KCND2: variants seen among roughly 807,000 people sequenced by gnomAD.
KCND2 encodes potassium voltage-gated channel subfamily D member 2.
In KCND2, 16 loss-of-function variants were observed where a neutral mutation model predicts 54.4. That is an observed-to-expected ratio of 0.29 (90% CI 0.20 to 0.45). The LOEUF (loss-of-function observed/expected upper bound fraction) is 0.45. KCND2 is among the 20% of genes least tolerant of loss of function. The pLI is 1.00. For synonymous variants in KCND2, 317 were observed against 310.7 expected (o/e 1.02, Z -0.21); for missense variants, 486 against 824.2 (o/e 0.59, Z 5.02).
At position 120,274,363 on chromosome 7, in the gene KCND2, GCA is replaced by G; in HGVS notation, c.-269_-268del. On this transcript the variant is annotated 5_prime_UTR_variant, in exon 1 of 6. Coordinates refer to ENST00000331113, the MANE Select transcript of KCND2 (RefSeq NM_012281.3). ...TGCCAGAGGGTGGCCTAGCCCACCTGCAGGAAGAGATTTGGCTGGGTTCTGTT... is the reference window on the plus strand; with the variant it reads ...TGCCAGAGGGTGGCCTAGCCCACCTGGGAAGAGATTTGGCTGGGTTCTGTT... The G allele has an allele frequency of 3.5e-6, 2 of 565,090 alleles. No homozygotes were observed. Among genetic ancestry groups the G allele is most frequent in the Non-Finnish European group, 6.3e-6 (2 of 315,592 alleles). The allele number at this position is 565,090 out of a possible 1,614,324, so 35.0% of individuals were successfully genotyped here. A position where few individuals can be genotyped will look rare whatever the true frequency, so the allele number is the denominator to read the frequency against.
chr7:120,545,588 A>G (rs1792032908), intron 1 of KCND2, among the ~76,000 whole-genome samples: 1 of 151,854 alleles, frequency 6.6e-6, no homozygotes, highest in African/African-American at 2.4e-5. Flanking sequence ...TTAGTCATAT[A>G]AATAAAACTT....
At chr7:120,429,531 G>T (rs1427537301) in intron 1 of KCND2, among the ~76,000 whole-genome samples, 2 of 150,526 alleles carry the variant, frequency 1.3e-5, no homozygotes, top group Non-Finnish European at 3.0e-5. Context: ...GGGTTGGAGA[G>T]GGGGGAAGGG....
chr7:120,484,143 A>G (rs1802655108), intron 1 of KCND2, among the ~76,000 whole-genome samples: 1 of 152,144 alleles, frequency 6.6e-6, no homozygotes, highest in Admixed American at 6.6e-5. Context: ...GTGAGAAGGC[A>G]GTGCCGCCTT....
At chr7:120,703,646 AC>A (rs1792429873) in intron 1 of KCND2, among the ~76,000 whole-genome samples, 1 of 152,138 alleles carries the variant, frequency 6.6e-6, no homozygotes, top group African/African-American at 2.4e-5. Flanking sequence ...AAGAGGAGAA[AC>A]CAAAATGCAT....
chr7:120,726,269 T>TA (rs1792732647), intron 1 of KCND2, among the ~76,000 whole-genome samples: 1 of 152,088 alleles, frequency 6.6e-6, no homozygotes, highest in South Asian at 2.1e-4. Flanking sequence ...TGTGAAGTAA[T>TA]ACCAGGGCCC....
chr7:120,667,566 G>C (rs566967959), intron 1 of KCND2, among the ~76,000 whole-genome samples: 38 of 152,120 alleles, frequency 2.5e-4, no homozygotes, highest in African/African-American at 9.1e-4. Flanking sequence ...GAAGCACCAG[G>C]TTGAGTGAGA....
chr7:120,449,345 T>A (rs972509751), intron 1 of KCND2, among the ~76,000 whole-genome samples: 8 of 139,746 alleles, frequency 5.7e-5, no homozygotes, highest in East Asian at 2.2e-4. Context: ...AAAAAAAAAA[T>A]ATTTTCTCCT....
At chr7:120,461,731 A>G (rs868110893) in intron 1 of KCND2, among the ~76,000 whole-genome samples, 35 of 152,236 alleles carry the variant, frequency 2.3e-4, no homozygotes, top group African/African-American at 7.0e-4. Flanking sequence ...GCAATGTAGA[A>G]TGCTATTTTC....
intron 1 of KCND2, among the ~76,000 whole-genome samples, chr7:120,411,666 A>G (rs867167411): frequency 1.3e-5 from 2 of 152,016 alleles, no homozygotes; most frequent in African/African-American, 4.8e-5. Context: ...ATGAAAATAT[A>G]CTAGAAAGAA....
intron 1 of KCND2, among the ~76,000 whole-genome samples, chr7:120,651,597 A>G (rs1367651749): frequency 6.6e-6 from 1 of 152,048 alleles, no homozygotes; most frequent in Non-Finnish European, 1.5e-5. Context: ...GCTTCAGCTC[A>G]CGCTCGATGG....
At chr7:120,314,963 A>T (rs567086310) in intron 1 of KCND2, among the ~76,000 whole-genome samples, 23 of 151,756 alleles carry the variant, frequency 1.5e-4, no homozygotes, top group African/African-American at 4.3e-4. Flanking sequence ...TTTTTTTTTT[A>T]AAAGAAAGCA....
intron 1 of KCND2, among the ~76,000 whole-genome samples, chr7:120,299,790 A>G (rs1444060634): frequency 2.0e-5 from 3 of 152,218 alleles, no homozygotes; most frequent in African/African-American, 7.2e-5. Context: ...ATTTCTTGGT[A>G]GTTTCCACAT....
chr7:120,515,993 C>T (rs1803191394), intron 1 of KCND2, among the ~76,000 whole-genome samples: 1 of 152,088 alleles, frequency 6.6e-6, no homozygotes, highest in South Asian at 2.1e-4. Flanking sequence ...AATTATACCT[C>T]TTCTCAGCAC....
At chr7:120,517,379 CACAAAA>C (rs1803211958) in intron 1 of KCND2, among the ~76,000 whole-genome samples, 1 of 151,910 alleles carries the variant, frequency 6.6e-6, no homozygotes, top group Non-Finnish European at 1.5e-5. Context: ...AACTGTTGTT[CACAAAA>C]ACTATACATA....
chr7:120,343,883 A>G (rs892357178), intron 1 of KCND2, among the ~76,000 whole-genome samples: 1 of 152,134 alleles, frequency 6.6e-6, no homozygotes, highest in Admixed American at 6.6e-5. Context: ...ATGAGCCTTT[A>G]TGCTTATTGC....
intron 1 of KCND2, among the ~76,000 whole-genome samples, chr7:120,562,040 T>G (rs1462436272): frequency 6.6e-6 from 1 of 152,212 alleles, no homozygotes; most frequent in African/African-American, 2.4e-5. Context: ...GTCAGTTTCT[T>G]TATTTGGACA....
intron 1 of KCND2, among the ~76,000 whole-genome samples, chr7:120,453,392 A>G (rs1489559068): frequency 1.3e-5 from 2 of 152,110 alleles, no homozygotes; most frequent in Non-Finnish European, 2.9e-5. Flanking sequence ...GAACCAGCTC[A>G]TGACACTGGT....
At chr7:120,397,423 A>G (rs571469989) in intron 1 of KCND2, among the ~76,000 whole-genome samples, 1 of 152,138 alleles carries the variant, frequency 6.6e-6, no homozygotes, top group East Asian at 1.9e-4. Flanking sequence ...CAAGGTATGG[A>G]TTAAAAAGTT....
chr7:120,676,336 C>T (rs1792060205), intron 1 of KCND2, among the ~76,000 whole-genome samples: 3 of 152,006 alleles, frequency 2.0e-5, no homozygotes, highest in African/African-American at 7.2e-5. Context: ...TAATCATTAA[C>T]TGTAAACCCA....
Sources: gnomAD v4.1 joint callset for allele counts (sites outside exome capture counted in the v4.1 genomes callset) on GRCh38, gnomAD v4.1.1 for gene constraint, MANE v1.5 for transcripts, NCBI Gene and HGNC (gene_info 2026-07-23, HGNC 2026-07-21) for gene names.